Variants in MCRIP1 observed in about 807,000 individuals in gnomAD.
MCRIP1 encodes the protein MAPK regulated corepressor interacting protein 1.
MCRIP1 carries 10 observed loss-of-function variants against 14.4 expected under a neutral mutation model. The ratio of observed to expected loss-of-function variants is 0.70; its 90% CI spans 0.43 to 1.18. The LOEUF (loss-of-function observed/expected upper bound fraction) is 1.18. Ranked by LOEUF, MCRIP1 falls within the 50% of genes most tolerant of loss-of-function variation. MCRIP1 has a pLI of 0.00. For missense variants in MCRIP1, 119 were observed against 135.4 expected, an observed-to-expected ratio of 0.88 and a Z score of 0.60; for synonymous variants, 53 against 55.7, an observed-to-expected ratio of 0.95 and a Z score of 0.21.
intron 1 of MCRIP1, among the ~76,000 whole-genome samples, chr17:81,830,659 G>A (rs988019831): frequency 6.6e-6 from 1 of 152,028 alleles, no homozygotes; most frequent in South Asian, 2.1e-4. Flanking sequence ...AAAGAAAGGG[G>A]CTAGATGTGG....
Position 81,823,507 on chromosome 17 carries a change from T to A in MCRIP1, c.134A>T (p.Gln45Leu). 1 of 1,536,112 alleles carries A rather than the reference T, an allele frequency of 6.5e-7. No individual in the cohort carries two copies. The highest frequency in any genetic ancestry group is 8.7e-7 in the Non-Finnish European group (1 of 1,146,734). Reference protein sequence around the residue: ...ENVRFIYEAWQGVERDLRGQV... With the variant: ...ENVRFIYEAWLGVERDLRGQV... ...GCCTCGCAGGTCTCGCTCCACACCCTGCCAGGCTGCAGAGGCAGAGAGTGG... is the reference window on the plus strand; with the variant it reads ...GCCTCGCAGGTCTCGCTCCACACCCAGCCAGGCTGCAGAGGCAGAGAGTGG... The change falls in exon 4 of 5, where the codon CAG (glutamine) becomes CTG (leucine). Residue 45 changes from glutamine to leucine, a missense_variant. Transcript: ENST00000455127. The surrounding 1 kb of genome is among the most constrained non-coding windows in gnomAD (Gnocchi z 6.0).
intron 1 of MCRIP1, chr17:81,826,057 TTCTCCCCATGCA>T: frequency 6.9e-7 from 1 of 1,453,082 alleles, no homozygotes; most frequent in South Asian, 1.2e-5. Flanking sequence ...CCCGTGGCTC[TTCTCCCCATGCA>T]TCCTCTGCCT....
intron 1 of MCRIP1, among the ~76,000 whole-genome samples, chr17:81,829,151 A>G (rs2038468831): frequency 6.6e-6 from 1 of 152,038 alleles, no homozygotes; most frequent in East Asian, 1.9e-4. Flanking sequence ...GACCCAGCAC[A>G]CGGCAGACGG....
chr17:81,823,265 C>G lies in MCRIP1; in HGVS notation c.276G>C (p.Gln92His), dbSNP rs1178041941. 2 of 1,536,744 alleles carry G rather than the reference C, an allele frequency of 1.3e-6. No individual in the cohort carries two copies. The highest frequency in any genetic ancestry group is 4.9e-5 in the East Asian group (2 of 40,894). The change falls in exon 5 of 5, where the codon CAG (glutamine) becomes CAC (histidine). Residue 92 changes from glutamine (Q) to histidine (H), a missense_variant. Coordinates refer to ENST00000455127, the MANE Select transcript of MCRIP1 (RefSeq NM_207368.5). This position sits in a 1 kb window ranked among gnomAD's most constrained non-coding sequence, Gnocchi z 6.0. Reference sequence around the variant, plus strand: ...GGGCGCTCTAGGACTTCTTGGCATCCTGCGTGCTCCGGCGCTTCAGGTCAC... The same window carrying G: ...GGGCGCTCTAGGACTTCTTGGCATCGTGCGTGCTCCGGCGCTTCAGGTCAC... ...DLSDLKRRST[Q>H]DAKKS
chr17:81,824,370 C>T lies in MCRIP1; in HGVS notation c.44G>A (p.Arg15Lys). 6.5e-7 allele frequency: 1 copy of T among 1,535,740 alleles called. No homozygotes were observed. Among genetic ancestry groups the T allele is most frequent in the Non-Finnish European group, 8.7e-7 (1 of 1,146,340 alleles). ...GGGTGGGGAGCGGGGGCTGCTGGTCCTCTTGCCGTTGTACACGACTCTGGA... is the reference window on the plus strand; with the variant it reads ...GGGTGGGGAGCGGGGGCTGCTGGTCTTCTTGCCGTTGTACACGACTCTGGA... ...PVSRVVYNGK[R>K]TSSPRSPPSS... is the part of the protein sequence containing the mutation. Residue 15 changes from arginine to lysine, a missense_variant, in exon 3 of 5, where the codon AGG (arginine) becomes AAG (lysine). Transcript: ENST00000455127.
At position 81,824,315 on chromosome 17, in the gene MCRIP1, G is replaced by A. The variant is rs866686808; in HGVS notation, c.99C>T (p.His33=). ...CGTAAATGAAGCGGACGTTCTCCTC[G>A]TGGGCTGGGGTGAAGATCTCGCTGC... ...PSSSEIFTPA[H]EENVRFIYEA... The change falls in exon 3 of 5, where the codon CAC becomes CAT. Residue 33 remains histidine, a synonymous_variant. Coordinates refer to ENST00000455127, the MANE Select transcript of MCRIP1 (RefSeq NM_207368.5). 2.0e-5 allele frequency: 31 copies of A among 1,536,252 alleles called. No individual in the cohort carries two copies. The highest frequency in any genetic ancestry group is 1.1e-4 in the South Asian group (9 of 84,054).
Position 81,822,919 on chromosome 17 carries a change from A to T in MCRIP1, c.*328T>A, listed in dbSNP as rs902836763. 6.1e-6 allele frequency: 3 copies of T among 493,128 alleles called. No individual in the cohort carries two copies. The highest frequency in any genetic ancestry group is 3.9e-5 in the African/African-American group (2 of 51,720). 30.5% of individuals were successfully genotyped at this position (493,128 alleles called of 1,614,324 possible). Reference sequence around the variant, plus strand: ...CTCCCCTCCTGATCCTGCAGTGGCCAGGGGCAGGAGGGTGAGGGGAGAGGA... The same window carrying T: ...CTCCCCTCCTGATCCTGCAGTGGCCTGGGGCAGGAGGGTGAGGGGAGAGGA... On this transcript the variant is annotated 3_prime_UTR_variant, in exon 5 of 5. Transcript: ENST00000455127.
chr17:81,829,461 C>T (rs578027594), intron 1 of MCRIP1, among the ~76,000 whole-genome samples: 49 of 152,360 alleles, frequency 3.2e-4, no homozygotes, highest in Non-Finnish European at 6.0e-4. Context: ...GCCGATGTCC[C>T]GGCCACGGCC....
chr17:81,823,389 C>T lies in MCRIP1; in HGVS notation c.229+23G>A, dbSNP rs1169780494. On this transcript the variant is annotated intron_variant, in intron 4 of 4. Transcript: ENST00000455127. This position sits in a 1 kb window ranked among gnomAD's most constrained non-coding sequence, Gnocchi z 6.0. ...GGCCCGGCCTGCCGGCCCAGCCCTG[C>T]CCCCAGGTCAGCCCCCACTCACTCT... 8.5e-6 allele frequency: 13 copies of T among 1,536,078 alleles called. No individual in the cohort carries two copies. The East Asian group carries it at 2.9e-4, about 35-fold the overall frequency.
At chr17:81,828,487 A>G (rs947652334) in intron 1 of MCRIP1, among the ~76,000 whole-genome samples, 3 of 152,100 alleles carry the variant, frequency 2.0e-5, no homozygotes, top group African/African-American at 7.2e-5. Flanking sequence ...CCTATGACCC[A>G]GCCATTCTGC....
intron 1 of MCRIP1, among the ~76,000 whole-genome samples, chr17:81,829,422 CTCTT>C (rs983843547): frequency 5.3e-5 from 8 of 152,250 alleles, no homozygotes; most frequent in Admixed American, 1.3e-4. Context: ...TTTTCCTTCC[CTCTT>C]TCTGTCAGAA....
At chr17:81,830,941 G>C (rs984789011) in intron 1 of MCRIP1, among the ~76,000 whole-genome samples, 1 of 151,296 alleles carries the variant, frequency 6.6e-6, no homozygotes, top group Non-Finnish European at 1.5e-5. Context: ...CAAGGTGGAA[G>C]GATCATCTGA....
chr17:81,832,812 G>A (rs1028652568), intron 1 of MCRIP1, among the ~76,000 whole-genome samples: 3 of 152,252 alleles, frequency 2.0e-5, no homozygotes, highest in Non-Finnish European at 4.4e-5. Flanking sequence ...AAAGAATGCG[G>A]ACGGCCGGGC....
At chr17:81,826,991 A>G (rs2038417479) in intron 1 of MCRIP1, among the ~76,000 whole-genome samples, 2 of 150,750 alleles carry the variant, frequency 1.3e-5, no homozygotes, top group Admixed American at 6.6e-5. Flanking sequence ...GGTGGTGGGC[A>G]CCTGTGGTCC....
intron 1 of MCRIP1, chr17:81,825,026 C>A: frequency 4.9e-6 from 5 of 1,021,838 alleles, no homozygotes; most frequent in Non-Finnish European, 4.7e-6. Flanking sequence ...TTCTGCTGAG[C>A]CTTGATTTCC....
intron 1 of MCRIP1, chr17:81,826,521 T>TAAAAA: frequency 1.9e-6 from 1 of 530,888 alleles, no homozygotes; most frequent in South Asian, 2.4e-5. Flanking sequence ...AGACCCTGTG[T>TAAAAA]CAAAAAAAAA....
chr17:81,827,785 T>A (rs926437341), intron 1 of MCRIP1, among the ~76,000 whole-genome samples: 1 of 145,692 alleles, frequency 6.9e-6, no homozygotes, highest in African/African-American at 2.6e-5. Context: ...CATTTTTTTT[T>A]TTTTTTTTTT....
In MCRIP1 at chr17:81,823,767, C is replaced by A. The variant is rs2038324131; in HGVS notation, c.128-254G>T. On this transcript the variant is annotated intron_variant, in intron 3 of 4. Coordinates refer to ENST00000455127, the MANE Select transcript of MCRIP1 (RefSeq NM_207368.5). The surrounding 1 kb of genome is among the most constrained non-coding windows in gnomAD (Gnocchi z 6.0). ...GGTCAGAGGGACCCCTATGACCCTA[C>A]CCCAGGCTTCCCTGCGCCTCGGAGG... 4 of 588,444 alleles carry A rather than the reference C, an allele frequency of 6.8e-6. No homozygotes were observed. The highest frequency in any genetic ancestry group is 3.1e-5 in the Admixed American group (1 of 32,384). The allele number at this position is 588,444 out of a possible 1,614,324, so 36.5% of individuals were successfully genotyped here.
At chr17:81,830,616 G>T (rs919271277) in intron 1 of MCRIP1, among the ~76,000 whole-genome samples, 1 of 151,964 alleles carries the variant, frequency 6.6e-6, no homozygotes. Flanking sequence ...CAGCTTGGGG[G>T]ACAAGAGTGA....
Sources: gnomAD v4.1 joint callset for allele counts (sites outside exome capture counted in the v4.1 genomes callset) on GRCh38, gnomAD v4.1.1 for gene constraint, Gnocchi (gnomAD v3.1) non-coding constraint, MANE v1.5 for transcripts, NCBI Gene and HGNC (gene_info 2026-07-23, HGNC 2026-07-21) for gene names.